ANKFN1: variants seen among roughly 807,000 people sequenced by gnomAD.
ANKFN1 encodes ankyrin repeat and fibronectin type-III domain-containing protein 1.
A neutral mutation model predicts 108.7 loss-of-function variants in ANKFN1; 74 were observed. The observed-to-expected ratio is 0.68, with a 90% CI of 0.56 to 0.83. ANKFN1 has a LOEUF of 0.83. ANKFN1 is among the 40% of genes least tolerant of loss of function. The probability of loss-of-function intolerance (pLI) is 0.00; values close to 1 mark genes in which losing one functional copy is unlikely to be tolerated. For missense variants in ANKFN1, 1,505 were observed against 1,382.3 expected (o/e 1.09, Z -1.41); for synonymous variants, 547 against 516.2 (o/e 1.06, Z -0.81).
chr17:56,340,057 A>AATGATGAG (rs2045920046), intron 4 of ANKFN1, among the ~76,000 whole-genome samples: 1 of 152,042 alleles, frequency 6.6e-6, no homozygotes. Flanking sequence ...AATGATTAGT[A>AATGATGAG]ATGATGAGCT....
At chr17:56,214,837 C>G (rs751029798) in intron 2 of ANKFN1, among the ~76,000 whole-genome samples, 4 of 152,056 alleles carry the variant, frequency 2.6e-5, no homozygotes, top group Non-Finnish European at 4.4e-5. Flanking sequence ...TGTTGTTGTC[C>G]TCTGTGGAAA....
intron 4 of ANKFN1, among the ~76,000 whole-genome samples, chr17:56,144,183 A>ACTAC (rs60975832): frequency 8.6e-6 from 1 of 116,262 alleles, no homozygotes; most frequent in Non-Finnish European, 1.8e-5. Flanking sequence ...AAAAAAAAAA[A>ACTAC]AACAGCCCAA....
chr17:56,053,367 T>A (rs1363943854), intron 4 of ANKFN1, among the ~76,000 whole-genome samples: 1 of 152,170 alleles, frequency 6.6e-6, no homozygotes, highest in Non-Finnish European at 1.5e-5. Flanking sequence ...CTGTTTTAAT[T>A]TTTAGCACCC....
chr17:56,362,468 T>C (rs1385228056), intron 6 of ANKFN1, among the ~76,000 whole-genome samples: 1 of 152,220 alleles, frequency 6.6e-6, no homozygotes, highest in Non-Finnish European at 1.5e-5. Context: ...AAACTGCTTT[T>C]CAACAAAGTT....
chr17:56,058,411 C>G (rs111483270), intron 4 of ANKFN1, among the ~76,000 whole-genome samples: 13 of 152,366 alleles, frequency 8.5e-5, no homozygotes, highest in African/African-American at 3.1e-4. Context: ...TTTTATGTTA[C>G]AAAGGCAGCT....
intron 3 of ANKFN1, among the ~76,000 whole-genome samples, chr17:56,324,512 G>T (rs1484876490): frequency 6.6e-6 from 1 of 152,116 alleles, no homozygotes; most frequent in Non-Finnish European, 1.5e-5. Flanking sequence ...AACCTTAGTA[G>T]AGTTACTCAG....
intron 3 of ANKFN1, among the ~76,000 whole-genome samples, chr17:56,255,662 C>A (rs1164510783): frequency 1.3e-5 from 2 of 152,096 alleles, no homozygotes; most frequent in Non-Finnish European, 2.9e-5. Context: ...GGCAGTGTAA[C>A]CCAATCATGC....
In ANKFN1 at chr17:56,385,004, A is replaced by G. The variant is rs1199803247; in HGVS notation, c.910+10290A>G. ...CATGTGGAACCAAAAAAGAGCCCGCATCGCCAAGTCAATCCTAAGCCAAAA... is the reference window on the plus strand; with the variant it reads ...CATGTGGAACCAAAAAAGAGCCCGCGTCGCCAAGTCAATCCTAAGCCAAAA... On this transcript the variant is annotated intron_variant, in intron 8 of 20. Transcript: ENST00000682825. Among the ~76,000 whole-genome samples the G allele has an allele frequency of 3.3e-5, 5 of 151,900 alleles. No individual in the cohort carries two copies. The East Asian group carries it at 7.7e-4, about 23-fold the overall frequency.
At chr17:56,104,794 G>A (rs1905712005) in intron 4 of ANKFN1, among the ~76,000 whole-genome samples, 1 of 152,228 alleles carries the variant, frequency 6.6e-6, no homozygotes, top group Non-Finnish European at 1.5e-5. Context: ...CAGAAGGGAG[G>A]CAGGTAGTAT....
intron 4 of ANKFN1, among the ~76,000 whole-genome samples, chr17:56,116,597 C>T (rs1210314149): frequency 1.3e-5 from 2 of 152,102 alleles, no homozygotes; most frequent in Non-Finnish European, 2.9e-5. Flanking sequence ...TCTTTTGCCT[C>T]CTCTCTCATC....
At chr17:56,381,757 A>G (rs927390196) in intron 8 of ANKFN1, among the ~76,000 whole-genome samples, 2 of 152,176 alleles carry the variant, frequency 1.3e-5, no homozygotes, top group Non-Finnish European at 2.9e-5. Flanking sequence ...AAAGAAACGA[A>G]CAAAGCCTCC....
chr17:56,210,090 A>ATAGG (rs1914868525), intron 1 of ANKFN1, among the ~76,000 whole-genome samples: 2 of 152,060 alleles, frequency 1.3e-5, no homozygotes, highest in Non-Finnish European at 2.9e-5. Context: ...AGATAGATAG[A>ATAGG]TAGATAGATA....
At chr17:56,363,438 T>C (rs1000926005) in intron 6 of ANKFN1, among the ~76,000 whole-genome samples, 16 of 152,112 alleles carry the variant, frequency 1.1e-4, no homozygotes, top group Non-Finnish European at 2.2e-4. Flanking sequence ...TCGGTGAGGA[T>C]GTGGAGAAAA....
chr17:56,122,018 C>T (rs1418631634), intron 4 of ANKFN1, among the ~76,000 whole-genome samples: 2 of 152,116 alleles, frequency 1.3e-5, no homozygotes, highest in Admixed American at 6.5e-5. Context: ...AACTGACAAA[C>T]ATTCACTAGC....
chr17:56,465,384 C>A (rs1012435302), intron 14 of ANKFN1, among the ~76,000 whole-genome samples: 1 of 152,132 alleles, frequency 6.6e-6, no homozygotes, highest in East Asian at 1.9e-4. Flanking sequence ...AGGGAAAATT[C>A]CGGGGTTTTC....
intron 6 of ANKFN1, among the ~76,000 whole-genome samples, chr17:56,357,129 A>T (rs2046397050): frequency 6.6e-6 from 1 of 152,142 alleles, no homozygotes; most frequent in South Asian, 2.1e-4. Flanking sequence ...TGGGAGATAA[A>T]CCCAGGTTTC....
rs77371920 is a variant in ANKFN1 at position 56,157,238 on chromosome 17, A to G, written c.-71+3708A>G. Reference sequence around the variant, plus strand: ...CTGGGTAGAGAAGAAGGGAATCCCAAATACTTGCTCTTAACTATTTCAGAC... The same window carrying G: ...CTGGGTAGAGAAGAAGGGAATCCCAGATACTTGCTCTTAACTATTTCAGAC... On this transcript the variant is annotated intron_variant, in intron 1 of 20. Coordinates refer to ENST00000682825, the MANE Select transcript of ANKFN1 (RefSeq NM_001370326.1). Among the ~76,000 whole-genome samples, 1,468 of 152,258 alleles carry G rather than the reference A, an allele frequency of 9.6e-3. 18 individuals are homozygous for G. The highest frequency in any genetic ancestry group is 0.033 in the African/African-American group (1,367 of 41,540).
chr17:56,064,100 C>A (rs894971001), intron 4 of ANKFN1, among the ~76,000 whole-genome samples: 1 of 152,158 alleles, frequency 6.6e-6, no homozygotes, highest in Non-Finnish European at 1.5e-5. Flanking sequence ...TGGAGAACAG[C>A]AAAGATGGGT....
intron 10 of ANKFN1, among the ~76,000 whole-genome samples, chr17:56,446,588 C>T (rs2145188862): frequency 6.6e-6 from 1 of 152,232 alleles, no homozygotes; most frequent in Middle Eastern, 3.4e-3. Context: ...GCTCTGTGCC[C>T]CAGATGGTGC....
Sources: gnomAD v4.1 joint callset for allele counts (sites outside exome capture counted in the v4.1 genomes callset) on GRCh38, gnomAD v4.1.1 for gene constraint, MANE v1.5 for transcripts, NCBI Gene and HGNC (gene_info 2026-07-23, HGNC 2026-07-21) for gene names.